Variants in MAP2 observed in about 807,000 individuals in gnomAD.
MAP2 encodes the protein microtubule-associated protein 2.
MAP2 carries 14 observed loss-of-function variants against 137.6 expected under a neutral mutation model. The observed-to-expected ratio is 0.10, with a 90% CI of 0.07 to 0.16. MAP2 has a LOEUF of 0.16. MAP2 is among the 10% of genes least tolerant of loss of function. MAP2 has a pLI of 1.00. For synonymous variants in MAP2, 786 were observed against 782.3 expected, an observed-to-expected ratio of 1.00 and a Z score of -0.08; for missense variants, 2,088 against 2,191.5, an observed-to-expected ratio of 0.95 and a Z score of 0.94.
chr2:209,511,123 T>C (rs893804184), intron 2 of MAP2, among the ~76,000 whole-genome samples: 1 of 152,148 alleles, frequency 6.6e-6, no homozygotes, highest in Admixed American at 6.6e-5. Context: ...CTAGTGTAGA[T>C]ATTTTATAAA....
At chr2:209,706,097 A>T (rs1326898052) in intron 12 of MAP2, among the ~76,000 whole-genome samples, 1 of 152,196 alleles carries the variant, frequency 6.6e-6, no homozygotes, top group Non-Finnish European at 1.5e-5. Context: ...AACACTTATT[A>T]GATTTCCAAG....
chr2:209,428,947 ATTTATTTATTTATTTATTTATTTT>A (rs1693387854), intron 1 of MAP2, among the ~76,000 whole-genome samples: 1 of 31,518 alleles, frequency 3.2e-5, no homozygotes. Context: ...TTATTTATTT[ATTTATTTATTTATTTATTTATTTT>A]GAGACGGAGT....
intron 2 of MAP2, among the ~76,000 whole-genome samples, chr2:209,566,304 A>C: frequency 6.6e-6 from 1 of 152,204 alleles, no homozygotes. Flanking sequence ...GTGAATATTG[A>C]CGCTGTTCAG....
rs1403222133 is a variant in MAP2, at chr2:209,692,913, C to A, written c.743C>A (p.Pro248His). ...KQKTEPSLVVPGIDLPKEPPT... is the reference protein window; with the variant it reads ...KQKTEPSLVVHGIDLPKEPPT... ...AAGACAGAACCAAGCCTTGTAGTAC[C>A]TGGCATTGACCTCCCTAAAGAGCCT... is the stretch of plus-strand genomic sequence containing the variant. Residue 248 changes from proline (P) to histidine (H), a missense_variant, in exon 8 of 16, where the codon CCT (proline) becomes CAT (histidine). Physicochemically the swap from Pro to His is moderately conservative, Grantham distance 77 (BLOSUM62 -2). Transcript: ENST00000682079. 2 of 1,614,006 alleles carry A rather than the reference C, an allele frequency of 1.2e-6. No individual in the cohort carries two copies. The highest frequency in any genetic ancestry group is 1.1e-5 in the South Asian group (1 of 91,090).
Position 209,732,535 on chromosome 2 carries a change from G to C in MAP2, c.*2138G>C, listed in dbSNP as rs1376779813. ...TTTATTCATCAGCTTCCCTTGAAGT[G>C]CACCAGAAAATAGAAGAAAGGTGTG... On this transcript the variant is annotated 3_prime_UTR_variant, in exon 16 of 16. Coordinates refer to ENST00000682079, the MANE Select transcript of MAP2 (RefSeq NM_001375505.1). 1 of 152,174 alleles carries C rather than the reference G, an allele frequency of 6.6e-6. No homozygotes were observed. Among genetic ancestry groups the C allele is most frequent in the African/African-American group, 2.4e-5 (1 of 41,440 alleles). 9.4% of individuals were successfully genotyped at this position (152,174 alleles called of 1,614,324 possible). A position where few individuals can be genotyped will look rare whatever the true frequency, so the allele number is the denominator to read the frequency against.
intron 5 of MAP2, among the ~76,000 whole-genome samples, chr2:209,659,163 T>C (rs1016726052): frequency 6.6e-6 from 1 of 152,188 alleles, no homozygotes; most frequent in Admixed American, 6.5e-5. Context: ...AGAAGTGGTA[T>C]GGATTTTTTT....
At chr2:209,705,849 G>A (rs2063239106) in intron 12 of MAP2, 122 bp downstream of exon 12, 2 of 873,366 alleles carry the variant, frequency 2.3e-6, no homozygotes, top group South Asian at 1.9e-5. Flanking sequence ...GATTATATTT[G>A]CCATAAGGAT....
intron 3 of MAP2, among the ~76,000 whole-genome samples, chr2:209,596,420 T>G (rs192625897): frequency 6.6e-6 from 1 of 152,238 alleles, no homozygotes; most frequent in Admixed American, 6.5e-5. Flanking sequence ...TCTTATTTTC[T>G]GCATGCAGTT....
intron 7 of MAP2, among the ~76,000 whole-genome samples, chr2:209,688,652 G>A (rs900107459): frequency 6.6e-6 from 1 of 152,156 alleles, no homozygotes; most frequent in Non-Finnish European, 1.5e-5. Context: ...GGAGACTCAA[G>A]TGTATAATTG....
chr2:209,573,091 G>A (rs867159371), intron 2 of MAP2, among the ~76,000 whole-genome samples: 11 of 152,210 alleles, frequency 7.2e-5, no homozygotes, highest in East Asian at 1.9e-4. Flanking sequence ...ATGAATCAGA[G>A]TCTCATGGCC....
rs2075651898 is a variant in MAP2, at chr2:209,730,554, G to A, written c.*157G>A. 1 of 625,522 alleles carries A rather than the reference G, an allele frequency of 1.6e-6. No individual in the cohort carries two copies. Among genetic ancestry groups the A allele is most frequent in the African/African-American group, 1.8e-5 (1 of 54,286 alleles). The allele number at this position is 625,522 out of a possible 1,614,324, so 38.7% of individuals were successfully genotyped here. A position where few individuals can be genotyped will look rare whatever the true frequency, so the allele number is the denominator to read the frequency against. On this transcript the variant is annotated 3_prime_UTR_variant, in exon 16 of 16. Coordinates refer to ENST00000682079, the MANE Select transcript of MAP2 (RefSeq NM_001375505.1). ...TGTTACAATTTTCTATTTAAAAAATGAATAGTACATGCAGAAATTGACCTG... is the reference window on the plus strand; with the variant it reads ...TGTTACAATTTTCTATTTAAAAAATAAATAGTACATGCAGAAATTGACCTG...
chr2:209,692,790 A>T lies in MAP2; in HGVS notation c.620A>T (p.Tyr207Phe), dbSNP rs1020032818. The change falls in exon 8 of 16, where the codon TAC (tyrosine) becomes TTC (phenylalanine). Residue 207 changes from tyrosine (Y) to phenylalanine (F), a missense_variant. Around this residue, in one of 6 missense-constraint regions of MAP2, gnomAD observed 859 missense variants for 794.5 expected, o/e 1.08. Coordinates refer to ENST00000682079, the MANE Select transcript of MAP2 (RefSeq NM_001375505.1). ...TCTCAGCCAGAGACAACTAAAACTT[A>T]CCCTGATAAAAAGGACATGCAAGGC... ...LVSQPETTKTYPDKKDMQGTE... is the reference protein window; with the variant it reads ...LVSQPETTKTFPDKKDMQGTE... The T allele has an allele frequency of 1.2e-6, 2 of 1,613,826 alleles. No individual in the cohort carries two copies. The highest frequency in any genetic ancestry group is 2.2e-5 in the East Asian group (1 of 44,866).
At chr2:209,472,604 A>C (rs1706055678) in intron 1 of MAP2, among the ~76,000 whole-genome samples, 1 of 152,188 alleles carries the variant, frequency 6.6e-6, no homozygotes, top group African/African-American at 2.4e-5. Context: ...TGAGTGTTGA[A>C]ATACCTCTTT....
At chr2:209,458,320 GTATAGT>G (rs1051633654) in intron 1 of MAP2, among the ~76,000 whole-genome samples, 26 of 152,208 alleles carry the variant, frequency 1.7e-4, no homozygotes, top group African/African-American at 6.0e-4. Flanking sequence ...CTCAAAGACT[GTATAGT>G]TATACCACTA....
At chr2:209,579,084 C>A (rs1411696007) in intron 2 of MAP2, among the ~76,000 whole-genome samples, 1 of 151,866 alleles carries the variant, frequency 6.6e-6, no homozygotes, top group Non-Finnish European at 1.5e-5. Context: ...AAGCAATATG[C>A]GATAGTTAAA....
rs749183996 is a variant in MAP2 at position 209,540,630 on chromosome 2, C to CAAAAAAAAAAAAAAAAAAAAAAAAAA, written c.-172+32996_-172+33021dup. 7.2e-5 allele frequency among the ~76,000 whole-genome samples: 2 copies of CAAAAAAAAAAAAAAAAAAAAAAAAAA among 27,590 alleles called. 1 individual carries two copies. Among genetic ancestry groups the CAAAAAAAAAAAAAAAAAAAAAAAAAA allele is most frequent in the African/African-American group, 2.7e-4 (2 of 7,398 alleles). The allele number at this position is 27,590 out of a possible 152,430, so 18.1% of individuals were successfully genotyped here. On this transcript the variant is annotated intron_variant, in intron 2 of 15. Coordinates refer to ENST00000682079, the MANE Select transcript of MAP2 (RefSeq NM_001375505.1). ...TGCGTGACTGAGTGAGACTCCGTCT[C>CAAAAAAAAAAAAAAAAAAAAAAAAAA]AAAAAAAAAAAAAAAAAAAAAAAAA...
chr2:209,723,525 C>A, intron 13 of MAP2: 2 of 843,208 alleles, frequency 2.4e-6, no homozygotes, highest in East Asian at 2.4e-5. Flanking sequence ...TGATGCTACC[C>A]ATTCTGGTTC....
Position 209,731,452 on chromosome 2 carries a change from T to C in MAP2, c.*1055T>C, listed in dbSNP as rs1450775717. 6.6e-6 allele frequency: 1 copy of C among 152,566 alleles called. No individual in the cohort carries two copies. Among genetic ancestry groups the C allele is most frequent in the Non-Finnish European group, 1.5e-5 (1 of 68,020 alleles). The allele number at this position is 152,566 out of a possible 1,614,324, so 9.5% of individuals were successfully genotyped here. ...TCCCGTGATGCTAGACAAAAAATTATTTTTCTTTGCTTTCACCAACATGGA... is the reference window on the plus strand; with the variant it reads ...TCCCGTGATGCTAGACAAAAAATTACTTTTCTTTGCTTTCACCAACATGGA... On this transcript the variant is annotated 3_prime_UTR_variant, in exon 16 of 16. Transcript: ENST00000682079.
At chr2:209,433,385 A>G (rs1197346242) in intron 1 of MAP2, among the ~76,000 whole-genome samples, 5 of 152,094 alleles carry the variant, frequency 3.3e-5, no homozygotes, top group African/African-American at 7.2e-5. Flanking sequence ...GAAGCTTGGT[A>G]TATTTGGAAA....
Sources: gnomAD v4.1 joint callset for allele counts (sites outside exome capture counted in the v4.1 genomes callset) on GRCh38, gnomAD v4.1.1 for gene constraint, gnomAD v4.1.1 regional missense constraint, MANE v1.5 for transcripts, NCBI Gene and HGNC (gene_info 2026-07-23, HGNC 2026-07-21) for gene names.